SLC17A1: variants seen among roughly 807,000 people sequenced by gnomAD.
SLC17A1 encodes solute carrier family 17 member 1, also known as sodium-dependent phosphate transport protein 1.
SLC17A1 carries 51 observed loss-of-function variants against 53.5 expected under a neutral mutation model. That is an observed-to-expected ratio of 0.95 (90% CI 0.76 to 1.20). The LOEUF is 1.20. Among genes scored for constraint, SLC17A1 ranks in the 50% most tolerant of loss-of-function variants. SLC17A1 has a pLI of 0.00. For synonymous variants in SLC17A1, 179 were observed against 198.8 expected (o/e 0.90, Z 0.84); for missense variants, 538 against 568.2 (o/e 0.95, Z 0.54).
At chr6:25,773,481 C>T in the SLC17A1 span, 444 of 1,612,764 alleles carry the variant, frequency 2.8e-4, no homozygotes, top group Non-Finnish European at 3.5e-4. Context: ...TGCCTTCTGA[C>T]GGAGGGGACA....
chr6:25,772,547 T>C, the SLC17A1 span, among the ~76,000 whole-genome samples: 1 of 152,336 alleles, frequency 6.6e-6, no homozygotes, highest in Non-Finnish European at 1.5e-5. Context: ...CACTCAATAC[T>C]GATAATGTTA....
chr6:25,809,822 A>G (rs1764089885), intron 10 of SLC17A1, among the ~76,000 whole-genome samples: 1 of 152,174 alleles, frequency 6.6e-6, no homozygotes, highest in Non-Finnish European at 1.5e-5. Context: ...ATCTTAAACC[A>G]AAATAACAAA....
the SLC17A1 span, among the ~76,000 whole-genome samples, chr6:25,757,479 T>A: frequency 6.6e-6 from 1 of 152,146 alleles, no homozygotes; most frequent in African/African-American, 2.4e-5. Flanking sequence ...TCTCATTTTT[T>A]AATTAATAGG....
intron 10 of SLC17A1, among the ~76,000 whole-genome samples, chr6:25,803,870 T>C (rs1263106655): frequency 1.2e-4 from 18 of 152,162 alleles, no homozygotes; most frequent in Admixed American, 1.3e-4. Flanking sequence ...TTAATTACTC[T>C]ATGAGTAAAC....
At chr6:25,740,057 T>C in the SLC17A1 span, among the ~76,000 whole-genome samples, 2 of 152,296 alleles carry the variant, frequency 1.3e-5, no homozygotes, top group East Asian at 3.9e-4. Flanking sequence ...TGTGAACCTA[T>C]AATTATTTCA....
chr6:25,787,201 T>C (rs915229966), intron 12 of SLC17A1, among the ~76,000 whole-genome samples: 22 of 152,042 alleles, frequency 1.4e-4, no homozygotes, highest in African/African-American at 5.3e-4. Flanking sequence ...TCAAAAGTTA[T>C]TGGAGGCCAG....
In SLC17A1 at chr6:25,819,895, G is replaced by A. The variant is rs937733439; in HGVS notation, c.228C>T (p.Ser76=). 1 of 1,611,640 alleles carries A rather than the reference G, an allele frequency of 6.2e-7. No individual in the cohort carries two copies. The change falls in exon 4 of 13, where the codon AGC becomes AGT. Residue 76 remains serine, a synonymous_variant. Coordinates refer to ENST00000244527, the MANE Select transcript of SLC17A1 (RefSeq NM_005074.5). ...DNIKNPMYNW[S]PDIQGIILSS... ...TCAAGATGATTCCCTGGATATCTGG[G>A]CTCCAATTATACATAGGGTTCTAAA... is the stretch of plus-strand genomic sequence containing the variant.
chr6:25,773,792 A>C, the SLC17A1 span: 1 of 982,332 alleles, frequency 1.0e-6, no homozygotes, highest in Non-Finnish European at 1.5e-6. Context: ...ACCAGGCAGG[A>C]CCTCCATATA....
chr6:25,826,278 C>T (rs1021060001), intron 3 of SLC17A1, among the ~76,000 whole-genome samples, 183 bp downstream of exon 3: 1 of 152,112 alleles, frequency 6.6e-6, no homozygotes, highest in African/African-American at 2.4e-5. Context: ...ACAAGCCCTT[C>T]AGAAATACTG....
chr6:25,768,313 T>C, the SLC17A1 span: 12 of 941,654 alleles, frequency 1.3e-5, no homozygotes, highest in Non-Finnish European at 1.4e-5. Flanking sequence ...TGATCATACA[T>C]TACCTCTGGG....
chr6:25,740,615 A>C, the SLC17A1 span, among the ~76,000 whole-genome samples: 2 of 152,206 alleles, frequency 1.3e-5, no homozygotes, highest in Non-Finnish European at 2.9e-5. Flanking sequence ...CCTTTCTCAG[A>C]AAAGTGAGTT....
chr6:25,732,729 G>A, the SLC17A1 span: 4 of 1,232,048 alleles, frequency 3.2e-6, no homozygotes, highest in Non-Finnish European at 4.6e-6. Context: ...CTGCTGGCCC[G>A]AGTGACAATG....
downstream of SLC17A1, chr6:25,781,200 GA>G (rs1554127633): frequency 1.0e-5 from 1 of 98,054 alleles, no homozygotes; most frequent in African/African-American, 3.9e-5. Context: ...AAGAAAGAAA[GA>G]AAAGAAAGAG....
chr6:25,740,959 C>T, the SLC17A1 span, among the ~76,000 whole-genome samples: 1 of 151,882 alleles, frequency 6.6e-6, no homozygotes, highest in African/African-American at 2.4e-5. Flanking sequence ...TATGTGGGAG[C>T]TAAAAAAGTT....
intron 12 of SLC17A1, among the ~76,000 whole-genome samples, chr6:25,793,574 CT>C (rs1214376844): frequency 3.3e-5 from 5 of 152,128 alleles, no homozygotes; most frequent in Non-Finnish European, 5.9e-5. Context: ...TTGTTTCCCC[CT>C]ATCAAAATGT....
the SLC17A1 span, chr6:25,732,055 T>G: frequency 7.8e-7 from 1 of 1,282,354 alleles, no homozygotes; most frequent in Non-Finnish European, 1.1e-6. Flanking sequence ...ATAGAATAGC[T>G]CTCTTTGCGG....
chr6:25,785,661 G>T (rs912990016), intron 12 of SLC17A1, among the ~76,000 whole-genome samples: 2 of 151,964 alleles, frequency 1.3e-5, no homozygotes, highest in Non-Finnish European at 2.9e-5. Flanking sequence ...TAAAATGTGG[G>T]CAAACACACT....
At chr6:25,779,518 G>A, downstream of SLC17A1, 1 of 220,842 alleles carries the variant, frequency 4.5e-6, no homozygotes, top group Non-Finnish European at 8.8e-6. Flanking sequence ...AGAATCACAA[G>A]GGAGTTGCGC....
Position 25,794,546 on chromosome 6 carries a change from G to A in SLC17A1, c.*2+4237C>T, listed in dbSNP as rs145924509. ...GATCCACTGAAATAAATTTAAAGAA[G>A]CAAAAATAGAACATTACAAAACCTA... On this transcript the variant is annotated intron_variant, in intron 12 of 12. Transcript: ENST00000244527. Among the ~76,000 whole-genome samples the A allele has an allele frequency of 2.0e-5, 3 of 152,082 alleles. No individual in the cohort carries two copies. In the East Asian group the frequency reaches 5.8e-4, roughly 29 times the overall value.
Sources: gnomAD v4.1 joint callset for allele counts (sites outside exome capture counted in the v4.1 genomes callset) on GRCh38, gnomAD v4.1.1 for gene constraint, MANE v1.5 for transcripts, NCBI Gene and HGNC (gene_info 2026-07-23, HGNC 2026-07-21) for gene names.